EEF1AKMT2: variants seen among roughly 807,000 people sequenced by gnomAD.
The protein encoded by EEF1AKMT2 is eukaryotic translation elongation factor 1 alpha lysine methyltransferase 2.
Under a neutral mutation model 35.8 loss-of-function variants are expected in EEF1AKMT2, and 32 were observed. The ratio of observed to expected loss-of-function variants is 0.89; its 90% CI spans 0.67 to 1.20. The LOEUF is 1.20. Ranked by LOEUF, EEF1AKMT2 falls within the 50% of genes most tolerant of loss-of-function variation. The pLI is 0.00. For synonymous variants in EEF1AKMT2, 121 were observed against 133.7 expected (o/e 0.91, Z 0.65); for missense variants, 330 against 347.5 (o/e 0.95, Z 0.40).
At chr10:124,789,610 C>T (rs1397315698) in intron 2 of EEF1AKMT2, among the ~76,000 whole-genome samples, 3 of 151,870 alleles carry the variant, frequency 2.0e-5, no homozygotes, top group Non-Finnish European at 4.4e-5. Flanking sequence ...AGAAAATTTG[C>T]TGGGCATGAT....
At position 124,760,329 on chromosome 10, in the gene EEF1AKMT2, T is replaced by C. The variant is rs182332370; in HGVS notation, c.*174A>G. 1.2e-5 allele frequency: 11 copies of C among 917,230 alleles called. No individual in the cohort carries two copies. The East Asian group carries it at 2.6e-4, about 22-fold the overall frequency. 56.8% of individuals were successfully genotyped at this position (917,230 alleles called of 1,614,324 possible). ...TCCTGTGTACTTACTAAGCATTTAT[T>C]TGCACAAGGATTTTCTGTGTCAGGT... On this transcript the variant is annotated 3_prime_UTR_variant, in exon 7 of 7. Coordinates refer to ENST00000368836, the MANE Select transcript of EEF1AKMT2 (RefSeq NM_212554.4).
chr10:124,787,331 G>C (rs1051682688), intron 3 of EEF1AKMT2, among the ~76,000 whole-genome samples: 1 of 150,994 alleles, frequency 6.6e-6, no homozygotes, highest in African/African-American at 2.4e-5. Flanking sequence ...TACTCATGAG[G>C]CTGAGGCACG....
At position 124,786,277 on chromosome 10, in the gene EEF1AKMT2, C is replaced by T. The variant is rs573090007; in HGVS notation, c.291+2766G>A. ...ATCCCAGCACTTTGGGAGGCCAAGA[C>T]GGGCAGATCACGAGGTCAGGAGATC... is the stretch of plus-strand genomic sequence containing the variant. On this transcript the variant is annotated intron_variant, in intron 3 of 6. Coordinates refer to ENST00000368836, the MANE Select transcript of EEF1AKMT2 (RefSeq NM_212554.4). Among the ~76,000 whole-genome samples, 140 of 152,114 alleles carry T rather than the reference C, an allele frequency of 9.2e-4. 1 individual carries two copies. In the South Asian group the frequency reaches 0.012, roughly 14 times the overall value.
intron 4 of EEF1AKMT2, among the ~76,000 whole-genome samples, chr10:124,773,145 G>A (rs1405102161): frequency 1.3e-5 from 2 of 152,088 alleles, no homozygotes; most frequent in African/African-American, 4.8e-5. Context: ...CCTTTCAACT[G>A]AACACTTACA....
chr10:124,772,585 T>C (rs577187589), intron 4 of EEF1AKMT2, among the ~76,000 whole-genome samples: 1 of 152,010 alleles, frequency 6.6e-6, no homozygotes, highest in Non-Finnish European at 1.5e-5. Context: ...CCCACCACCA[T>C]GCCCAGCTAA....
chr10:124,769,364 G>A (rs1950409249), intron 4 of EEF1AKMT2, among the ~76,000 whole-genome samples: 1 of 151,452 alleles, frequency 6.6e-6, no homozygotes, highest in Non-Finnish European at 1.5e-5. Flanking sequence ...AGTGTTATTA[G>A]TAGAAACGGG....
In EEF1AKMT2 at chr10:124,791,850, G is replaced by T; in HGVS notation, c.-17C>A. 6.4e-7 allele frequency: 1 copy of T among 1,552,642 alleles called. No homozygotes were observed. The highest frequency in any genetic ancestry group is 8.7e-7 in the Non-Finnish European group (1 of 1,155,490). ...CGAGCTCATTTCGCTCCACGTCCTGGACGGCCGTTGGGGCCGCCATAGAGA... is the reference window on the plus strand; with the variant it reads ...CGAGCTCATTTCGCTCCACGTCCTGTACGGCCGTTGGGGCCGCCATAGAGA... On this transcript the variant is annotated 5_prime_UTR_variant, in exon 1 of 7. Coordinates refer to ENST00000368836, the MANE Select transcript of EEF1AKMT2 (RefSeq NM_212554.4).
At chr10:124,764,465 A>G (rs961940537) in intron 5 of EEF1AKMT2, among the ~76,000 whole-genome samples, 1 of 152,220 alleles carries the variant, frequency 6.6e-6, no homozygotes, top group African/African-American at 2.4e-5. Flanking sequence ...CTGCCAGAGA[A>G]CTCAAAATAT....
intron 4 of EEF1AKMT2, among the ~76,000 whole-genome samples, chr10:124,770,148 G>A (rs1020583328): frequency 6.6e-6 from 1 of 151,930 alleles, no homozygotes; most frequent in Non-Finnish European, 1.5e-5. Context: ...GCCGGGCGTG[G>A]TAGCTCACAC....
At chr10:124,782,896 T>C (rs975563840) in intron 3 of EEF1AKMT2, 14 of 368,440 alleles carry the variant, frequency 3.8e-5, no homozygotes, top group Non-Finnish European at 6.4e-5. Flanking sequence ...ACATTGAACA[T>C]AAATGTTCTA....
chr10:124,772,461 C>T (rs1178819872), intron 4 of EEF1AKMT2, among the ~76,000 whole-genome samples: 1 of 116,880 alleles, frequency 8.6e-6, no homozygotes, highest in Non-Finnish European at 1.6e-5. Flanking sequence ...TGGAGTCTCG[C>T]TCTGTTGCCC....
chr10:124,757,522 A>G (rs942209705), downstream of EEF1AKMT2, among the ~76,000 whole-genome samples: 3 of 152,206 alleles, frequency 2.0e-5, no homozygotes, highest in Admixed American at 6.5e-5. Context: ...TTTCAAGGCC[A>G]TAAGAAACTT....
rs1219707914 is a variant in EEF1AKMT2 at position 124,765,376 on chromosome 10, C to T, written c.616+16G>A. The T allele has an allele frequency of 2.5e-6, 4 of 1,600,054 alleles. No individual in the cohort carries two copies. The highest frequency in any genetic ancestry group is 3.4e-6 in the Non-Finnish European group (4 of 1,167,716). ...CCTGAGGTAAGCACACATTTAAACACCATATAGTCACTTACCTTCACTGAA... is the reference window on the plus strand; with the variant it reads ...CCTGAGGTAAGCACACATTTAAACATCATATAGTCACTTACCTTCACTGAA... On this transcript the variant is annotated intron_variant, in intron 5 of 6. Coordinates refer to ENST00000368836, the MANE Select transcript of EEF1AKMT2 (RefSeq NM_212554.4).
chr10:124,779,139 T>C (rs1225688819), intron 3 of EEF1AKMT2, among the ~76,000 whole-genome samples: 1 of 152,050 alleles, frequency 6.6e-6, no homozygotes, highest in Non-Finnish European at 1.5e-5. Flanking sequence ...ATCTTTTTCT[T>C]TTTTTTATGG....
In EEF1AKMT2 at chr10:124,774,734, C is replaced by T. The variant is rs1950473727; in HGVS notation, c.340G>A (p.Ala114Thr). 3 of 1,483,528 alleles carry T rather than the reference C, an allele frequency of 2.0e-6. No individual in the cohort carries two copies. The highest frequency in any genetic ancestry group is 1.5e-5 in the South Asian group (1 of 66,212). The allele number at this position is 1,483,528 out of a possible 1,614,324, so 91.9% of individuals were successfully genotyped here. Reference protein sequence around the residue: ...NITGIDYSPSAIQLSGSIIEK... With the variant: ...NITGIDYSPSTIQLSGSIIEK... Reference sequence around the variant, plus strand: ...ATAATACTTCCAGAAAGCTGAATTGCAGAAGGAGAGTAATCAATTCCAGTA... The same window carrying T: ...ATAATACTTCCAGAAAGCTGAATTGTAGAAGGAGAGTAATCAATTCCAGTA... Residue 114 changes from alanine to threonine, a missense_variant, in exon 4 of 7, where the codon GCA (alanine) becomes ACA (threonine). By Grantham distance (58) the Ala-to-Thr change is moderately conservative. Coordinates refer to ENST00000368836, the MANE Select transcript of EEF1AKMT2 (RefSeq NM_212554.4).
At chr10:124,764,286 T>C (rs2134120871) in intron 5 of EEF1AKMT2, among the ~76,000 whole-genome samples, 1 of 137,668 alleles carries the variant, frequency 7.3e-6, no homozygotes, top group East Asian at 2.1e-4. Flanking sequence ...TATCCTATCC[T>C]TTAAAAAGTG....
chr10:124,775,640 T>C lies in EEF1AKMT2; in HGVS notation c.292-858A>G, dbSNP rs537912326. Among the ~76,000 whole-genome samples the C allele has an allele frequency of 6.8e-4, 104 of 152,294 alleles. 3 individuals are homozygous for C. The South Asian group carries it at 0.021, about 30-fold the overall frequency. ...CTTTAAAACTTAACCTACTGCCACA[T>C]CAAATCCATGAAGACCTACCAAGTC... On this transcript the variant is annotated intron_variant, in intron 3 of 6. Coordinates refer to ENST00000368836, the MANE Select transcript of EEF1AKMT2 (RefSeq NM_212554.4).
At chr10:124,788,968 A>C in intron 3 of EEF1AKMT2, 75 bp downstream of exon 3, 3 of 891,810 alleles carry the variant, frequency 3.4e-6, no homozygotes, top group Admixed American at 2.0e-5. Flanking sequence ...GATGGTTAAT[A>C]TCCTCAATTG....
chr10:124,780,673 A>T (rs1008269582), intron 3 of EEF1AKMT2, among the ~76,000 whole-genome samples: 13 of 149,832 alleles, frequency 8.7e-5, no homozygotes, highest in Non-Finnish European at 1.9e-4. Flanking sequence ...GAAAGACAGT[A>T]ATACAGAAAA....
Sources: gnomAD v4.1 joint callset for allele counts (sites outside exome capture counted in the v4.1 genomes callset) on GRCh38, gnomAD v4.1.1 for gene constraint, MANE v1.5 for transcripts, NCBI Gene and HGNC (gene_info 2026-07-23, HGNC 2026-07-21) for gene names.